The following TENM2 variants were observed in gnomAD, a reference collection of about 807,000 sequenced individuals.
The protein encoded by TENM2 is teneurin-2.
In TENM2, 52 loss-of-function variants were observed where a neutral mutation model predicts 245.2. The observed-to-expected ratio is 0.21, with a 90% CI of 0.17 to 0.27. The LOEUF (loss-of-function observed/expected upper bound fraction) is 0.27, where lower values mean the gene tolerates loss of function less well. Among genes scored for constraint, TENM2 ranks in the 10% least tolerant of loss-of-function variants. The pLI is 1.00. For synonymous variants in TENM2, 1,363 were observed against 1,438.9 expected (o/e 0.95, Z 1.19); for missense variants, 3,046 against 3,666.8 (o/e 0.83, Z 4.37).
chr5:167,205,746 G>A, the TENM2 span, among the ~76,000 whole-genome samples: 16 of 152,106 alleles, frequency 1.1e-4, no homozygotes, highest in Non-Finnish European at 1.5e-4. Context: ...TCTCTTTTGA[G>A]TCTCCCAAGA....
At chr5:167,561,440 G>A (rs1176551880) in intron 2 of TENM2, among the ~76,000 whole-genome samples, 1 of 152,202 alleles carries the variant, frequency 6.6e-6, no homozygotes, top group Non-Finnish European at 1.5e-5. Flanking sequence ...ATTGTTAGAG[G>A]AAGAGGAGAA....
At chr5:167,361,771 T>C (rs895294969) in intron 1 of TENM2, among the ~76,000 whole-genome samples, 4 of 152,228 alleles carry the variant, frequency 2.6e-5, no homozygotes, top group African/African-American at 9.6e-5. Flanking sequence ...GAAGCTGTTG[T>C]CTCTATTATA....
chr5:167,325,250 G>A (rs984816524), intron 1 of TENM2, among the ~76,000 whole-genome samples: 4 of 152,220 alleles, frequency 2.6e-5, no homozygotes, highest in African/African-American at 4.8e-5. Context: ...TAAATAGAGC[G>A]TTTCAGTAAA....
chr5:168,021,719 A>T (rs1187264428), intron 5 of TENM2, among the ~76,000 whole-genome samples: 1 of 151,566 alleles, frequency 6.6e-6, no homozygotes, highest in Non-Finnish European at 1.5e-5. Context: ...TCAAACAATC[A>T]TTTTCAAAGG....
chr5:167,922,242 G>C (rs978772784), intron 3 of TENM2, among the ~76,000 whole-genome samples: 10 of 151,916 alleles, frequency 6.6e-5, no homozygotes, highest in African/African-American at 2.4e-4. Flanking sequence ...TTTCCATCAT[G>C]TCCCCTCCTT....
At chr5:167,172,255 T>A in the TENM2 span, among the ~76,000 whole-genome samples, 11 of 152,190 alleles carry the variant, frequency 7.2e-5, no homozygotes, top group Non-Finnish European at 1.2e-4. Context: ...AAAAGGGTGA[T>A]CTTTTCTTTT....
chr5:167,593,681 C>A (rs375548137), intron 2 of TENM2, among the ~76,000 whole-genome samples: 8 of 152,128 alleles, frequency 5.3e-5, no homozygotes, highest in Non-Finnish European at 1.5e-5. Flanking sequence ...ATTTGCCTTT[C>A]GATGATAATG....
chr5:167,647,242 T>G (rs1330165661), intron 2 of TENM2, among the ~76,000 whole-genome samples: 1 of 152,082 alleles, frequency 6.6e-6, no homozygotes, highest in Non-Finnish European at 1.5e-5. Flanking sequence ...AGTTGATGGA[T>G]CCACGGTGGG....
intron 5 of TENM2, among the ~76,000 whole-genome samples, chr5:168,011,037 A>G (rs1581048893): frequency 6.6e-6 from 1 of 152,246 alleles, no homozygotes; most frequent in East Asian, 1.9e-4. Context: ...CTTGATTTGA[A>G]GAGGTCCTTG....
chr5:167,702,377 A>G (rs1404664905), intron 2 of TENM2, among the ~76,000 whole-genome samples: 1 of 151,950 alleles, frequency 6.6e-6, no homozygotes, highest in Non-Finnish European at 1.5e-5. Context: ...ACGTGTGTCT[A>G]GGTGCTCTCT....
At chr5:167,995,583 A>C (rs1470633264) in intron 5 of TENM2, among the ~76,000 whole-genome samples, 1 of 152,194 alleles carries the variant, frequency 6.6e-6, no homozygotes, top group East Asian at 1.9e-4. Flanking sequence ...AAGCGTGGTA[A>C]GGGGTCAGGA....
chr5:167,777,794 G>A (rs1763914471), intron 2 of TENM2, among the ~76,000 whole-genome samples: 1 of 152,130 alleles, frequency 6.6e-6, no homozygotes, highest in Admixed American at 6.5e-5. Flanking sequence ...TCTAAACAGT[G>A]AGCCAAAGCT....
At chr5:168,138,893 C>T (rs1046446758) in intron 12 of TENM2, among the ~76,000 whole-genome samples, 10 of 152,148 alleles carry the variant, frequency 6.6e-5, no homozygotes, top group South Asian at 2.1e-4. Context: ...TGAATATCAC[C>T]GAGGCAGCAA....
the TENM2 span, among the ~76,000 whole-genome samples, chr5:166,984,600 T>A: frequency 3.3e-5 from 5 of 152,244 alleles, no homozygotes; most frequent in African/African-American, 9.6e-5. Flanking sequence ...CATGTTTTTT[T>A]AAAAAAGTCA....
At chr5:167,785,870 T>C (rs1012009076) in intron 2 of TENM2, among the ~76,000 whole-genome samples, 1 of 152,168 alleles carries the variant, frequency 6.6e-6, no homozygotes, top group Non-Finnish European at 1.5e-5. Context: ...ATAATTTCTG[T>C]CCATCCCTCA....
chr5:168,162,411 C>A (rs1757822161), intron 12 of TENM2, among the ~76,000 whole-genome samples, 200 bp from the exon 15 acceptor site: 1 of 152,166 alleles, frequency 6.6e-6, no homozygotes, highest in African/African-American at 2.4e-5. Flanking sequence ...CACTGGGGAT[C>A]CCCTGCATCT....
intron 12 of TENM2, among the ~76,000 whole-genome samples, chr5:168,140,804 T>G (rs1489937584): frequency 6.6e-6 from 1 of 152,142 alleles, no homozygotes; most frequent in Non-Finnish European, 1.5e-5. Flanking sequence ...AAATTACAAC[T>G]GTGAAGTCTT....
chr5:167,565,491 A>T (rs1773849999), intron 2 of TENM2, among the ~76,000 whole-genome samples: 1 of 152,232 alleles, frequency 6.6e-6, no homozygotes, highest in African/African-American at 2.4e-5. Flanking sequence ...CACTCTATTA[A>T]TTGGTGCCCC....
chr5:167,770,516 G>A (rs1461667135), intron 2 of TENM2, among the ~76,000 whole-genome samples: 2 of 152,176 alleles, frequency 1.3e-5, no homozygotes, highest in Non-Finnish European at 2.9e-5. Context: ...GTTTTCCAAT[G>A]TTTAAGCAAA....
Sources: gnomAD v4.1 joint callset for allele counts (sites outside exome capture counted in the v4.1 genomes callset) on GRCh38, gnomAD v4.1.1 for gene constraint, MANE v1.5 for transcripts, NCBI Gene and HGNC (gene_info 2026-07-23, HGNC 2026-07-21) for gene names.